Variants in PTK2 observed in about 807,000 individuals in gnomAD.
PTK2 encodes the protein focal adhesion kinase 1.
Under a neutral mutation model 150.1 loss-of-function variants are expected in PTK2, and 45 were observed. That is an observed-to-expected ratio of 0.30 (90% CI 0.24 to 0.38). The LOEUF (loss-of-function observed/expected upper bound fraction) is 0.38. PTK2 is among the 10% of genes least tolerant of loss of function. The pLI, the probability that PTK2 is intolerant of heterozygous loss-of-function variation, is 1.00. For missense variants in PTK2, 919 were observed against 1,307.3 expected, an observed-to-expected ratio of 0.70 and a Z score of 4.58; for synonymous variants, 432 against 449.2, an observed-to-expected ratio of 0.96 and a Z score of 0.48.
At chr8:140,905,674 C>T (rs774837031) in intron 2 of PTK2, among the ~76,000 whole-genome samples, 42 of 152,254 alleles carry the variant, frequency 2.8e-4, no homozygotes, top group Non-Finnish European at 1.6e-4. Context: ...ACCAAGCGGA[C>T]CTAATAGACA....
At chr8:140,700,838 T>G (rs913044789) in intron 26 of PTK2, 53 bp downstream of exon 29, 19 of 1,595,786 alleles carry the variant, frequency 1.2e-5, no homozygotes, top group Non-Finnish European at 1.5e-5. Flanking sequence ...TGCAATATAG[T>G]AGACTCTAAC....
intron 31 of PTK2, among the ~76,000 whole-genome samples, chr8:140,662,063 C>T (rs574911992): frequency 8.5e-5 from 13 of 152,140 alleles, no homozygotes; most frequent in East Asian, 1.9e-4. Flanking sequence ...TTTGGGAGAC[C>T]GAGGTAGGAG....
intron 7 of PTK2, among the ~76,000 whole-genome samples, chr8:140,834,539 A>G (rs1455880811): frequency 6.6e-6 from 1 of 152,170 alleles, no homozygotes; most frequent in African/African-American, 2.4e-5. Flanking sequence ...AATCATTTAG[A>G]TTTGAAGCTA....
intron 2 of PTK2, among the ~76,000 whole-genome samples, chr8:140,914,419 GTT>G (rs35040889): frequency 1.3e-4 from 19 of 147,720 alleles, no homozygotes; most frequent in East Asian, 4.0e-4. Context: ...CAAGTTTTGG[GTT>G]TTTTTTTTTT....
chr8:140,770,717 CGTA>C, intron 14 of PTK2: 1 of 1,328,682 alleles, frequency 7.5e-7, no homozygotes, highest in Non-Finnish European at 1.0e-6. Context: ...GTGCAGTACC[CGTA>C]GAAGGAGGAT....
intron 7 of PTK2, 33 bp downstream of exon 7, chr8:140,846,227 T>G (rs1179625898): frequency 6.6e-7 from 1 of 1,504,500 alleles, no homozygotes; most frequent in Non-Finnish European, 9.1e-7. Flanking sequence ...GTTCTGCATA[T>G]TTGCAGGTAT....
chr8:140,756,882 G>A (rs1267977866), intron 16 of PTK2, among the ~76,000 whole-genome samples: 2 of 151,572 alleles, frequency 1.3e-5, no homozygotes, highest in African/African-American at 2.4e-5. Flanking sequence ...CCAGCTACTC[G>A]GGAGGCTGAG....
chr8:140,838,046 A>T (rs2100119880), intron 7 of PTK2, among the ~76,000 whole-genome samples: 1 of 152,156 alleles, frequency 6.6e-6, no homozygotes, highest in African/African-American at 2.4e-5. Context: ...TGGGCAACAG[A>T]GCAAGACTCC....
At chr8:140,906,456 A>G (rs1034027508) in intron 2 of PTK2, among the ~76,000 whole-genome samples, 3 of 152,232 alleles carry the variant, frequency 2.0e-5, no homozygotes, top group Non-Finnish European at 2.9e-5. Flanking sequence ...AATGTGGTAT[A>G]TATACACAAT....
At chr8:140,977,118 G>A (rs1340941693) in intron 1 of PTK2, among the ~76,000 whole-genome samples, 3 of 152,176 alleles carry the variant, frequency 2.0e-5, no homozygotes, top group Non-Finnish European at 2.9e-5. Context: ...GGCCAGGTGT[G>A]GTGGCTCCTG....
At chr8:140,998,362 C>A (rs1325176186) in intron 1 of PTK2, among the ~76,000 whole-genome samples, 1 of 152,044 alleles carries the variant, frequency 6.6e-6, no homozygotes, top group Non-Finnish European at 1.5e-5. Context: ...AAAAGGTTTC[C>A]ATAACCTTTA....
chr8:140,975,471 CAT>C (rs1217001061), intron 1 of PTK2, among the ~76,000 whole-genome samples: 8 of 152,324 alleles, frequency 5.3e-5, no homozygotes, highest in East Asian at 3.9e-4. Context: ...TGCCTTTGCA[CAT>C]GAGTGGAATC....
chr8:140,851,838 G>A (rs1397239280), intron 5 of PTK2, among the ~76,000 whole-genome samples: 13 of 133,914 alleles, frequency 9.7e-5, no homozygotes, highest in African/African-American at 3.5e-4. Flanking sequence ...CAGCGTGGGT[G>A]ACAGAGAGAG....
At chr8:140,994,380 C>G (rs1242793519) in intron 1 of PTK2, among the ~76,000 whole-genome samples, 2 of 152,220 alleles carry the variant, frequency 1.3e-5, no homozygotes, top group Non-Finnish European at 2.9e-5. Flanking sequence ...AACCCTGCAT[C>G]GAGCAAGTCA....
chr8:140,964,333 C>A (rs961482864), intron 1 of PTK2, among the ~76,000 whole-genome samples: 6 of 152,002 alleles, frequency 3.9e-5, no homozygotes, highest in African/African-American at 1.2e-4. Context: ...CTCAAGCAAT[C>A]CTCCCACCTG....
chr8:140,865,852 C>T (rs1219108419), intron 4 of PTK2, among the ~76,000 whole-genome samples: 1 of 152,120 alleles, frequency 6.6e-6, no homozygotes, highest in East Asian at 1.9e-4. Flanking sequence ...GGCACAATCT[C>T]GGCTCACTGC....
chr8:140,808,732 TG>T (rs1232843815), intron 10 of PTK2, among the ~76,000 whole-genome samples: 8 of 144,882 alleles, frequency 5.5e-5, no homozygotes, highest in South Asian at 2.1e-4. Context: ...TTTTTGTTCT[TG>T]TTTTTTTTTT....
exon 32 of PTK2, chr8:140,658,160 T>C (rs1480748916): frequency 6.5e-6 from 1 of 152,744 alleles, no homozygotes; most frequent in Non-Finnish European, 1.5e-5. Context: ...CATTGCTACT[T>C]CCATCCTGAG....
chr8:140,803,999 T>A (rs373947237), intron 10 of PTK2, among the ~76,000 whole-genome samples: 2 of 152,156 alleles, frequency 1.3e-5, no homozygotes, highest in Non-Finnish European at 2.9e-5. Flanking sequence ...AGGAATCTTA[T>A]GGAATTCTTA....
Sources: allele counts gnomAD v4.1 joint callset (sites outside exome capture counted in the v4.1 genomes callset), GRCh38; gene constraint gnomAD v4.1.1; transcripts MANE v1.5; gene names NCBI Gene and HGNC (gene_info 2026-07-23, HGNC 2026-07-21).